The following TBC1D5 variants were observed in gnomAD, a reference collection of about 807,000 sequenced individuals.
TBC1D5 encodes TBC1 domain family, member 5.
In TBC1D5, 75 loss-of-function variants were observed where a neutral mutation model predicts 100.3. That is an observed-to-expected ratio of 0.75 (90% CI 0.62 to 0.91). The LOEUF (loss-of-function observed/expected upper bound fraction) is 0.91. TBC1D5 is among the 40% of genes least tolerant of loss of function. The pLI is 0.00. For missense variants in TBC1D5, 910 were observed against 942.4 expected (o/e 0.97, Z 0.45); for synonymous variants, 323 against 325.6 (o/e 0.99, Z 0.09).
At chr3:17,322,680 G>A (rs929584937) in intron 13 of TBC1D5, among the ~76,000 whole-genome samples, 2 of 152,192 alleles carry the variant, frequency 1.3e-5, no homozygotes, top group Non-Finnish European at 2.9e-5. Flanking sequence ...GCTATGCAGA[G>A]AATAATCTCC....
At chr3:17,187,565 C>T (rs550714135) in intron 18 of TBC1D5, among the ~76,000 whole-genome samples, 2 of 152,292 alleles carry the variant, frequency 1.3e-5, no homozygotes, top group South Asian at 4.1e-4. Flanking sequence ...ATCCACAGAT[C>T]TATGATGGGA....
chr3:17,249,467 T>G (rs1212827916), intron 16 of TBC1D5, among the ~76,000 whole-genome samples: 3 of 152,166 alleles, frequency 2.0e-5, no homozygotes, highest in African/African-American at 7.2e-5. Context: ...TGGTCTCCAG[T>G]GTTGATGGTG....
chr3:17,494,929 C>A lies in TBC1D5; in HGVS notation c.97+13545G>T, dbSNP rs527708130. Among the ~76,000 whole-genome samples, 5 of 152,330 alleles carry A rather than the reference C, an allele frequency of 3.3e-5. No homozygotes were observed. The East Asian group carries it at 9.7e-4, about 29-fold the overall frequency. On this transcript the variant is annotated intron_variant, in intron 3 of 21. Transcript: ENST00000253692. ...GGCTCATGAGGGGATACCCTGATCC[C>A]TGGGTTGCACAGATCCATGAAAAAT...
intron 13 of TBC1D5, among the ~76,000 whole-genome samples, chr3:17,358,306 T>C (rs548425244): frequency 6.6e-6 from 1 of 152,282 alleles, no homozygotes; most frequent in South Asian, 2.1e-4. Flanking sequence ...TGCCTCAGCC[T>C]CCTGAGTAGC....
chr3:17,316,149 G>A (rs2084671140), intron 13 of TBC1D5, among the ~76,000 whole-genome samples: 1 of 152,110 alleles, frequency 6.6e-6, no homozygotes, highest in Non-Finnish European at 1.5e-5. Context: ...TGCATGTTCA[G>A]TCTTTCAACA....
chr3:17,709,596 G>A (rs1321232691), intron 1 of TBC1D5, among the ~76,000 whole-genome samples: 1 of 152,120 alleles, frequency 6.6e-6, no homozygotes, highest in Non-Finnish European at 1.5e-5. Context: ...AAAGAACCTT[G>A]TCTAACGGCA....
chr3:17,278,924 GTTCT>G (rs1236203964), intron 15 of TBC1D5, among the ~76,000 whole-genome samples: 9 of 152,184 alleles, frequency 5.9e-5, no homozygotes, highest in East Asian at 1.9e-4. Flanking sequence ...ACTTTTAGGT[GTTCT>G]TTGAGAATTT....
chr3:17,189,525 C>T (rs2069598237), intron 18 of TBC1D5, among the ~76,000 whole-genome samples: 1 of 152,188 alleles, frequency 6.6e-6, no homozygotes, highest in South Asian at 2.1e-4. Flanking sequence ...CATCAAATCC[C>T]TTCATATTGA....
intron 3 of TBC1D5, among the ~76,000 whole-genome samples, chr3:17,498,320 C>T (rs2095741621): frequency 6.6e-6 from 1 of 151,996 alleles, no homozygotes; most frequent in African/African-American, 2.4e-5. Context: ...AACAAGGAAG[C>T]CCTCATTCCA....
intron 8 of TBC1D5, among the ~76,000 whole-genome samples, chr3:17,388,323 G>T (rs1429476078): frequency 1.3e-5 from 2 of 151,896 alleles, no homozygotes; most frequent in African/African-American, 4.8e-5. Flanking sequence ...AGGCAATATA[G>T]GTTTAATTAT....
At chr3:17,169,435 C>A (rs1020039190) in intron 19 of TBC1D5, among the ~76,000 whole-genome samples, 3 of 152,180 alleles carry the variant, frequency 2.0e-5, no homozygotes, top group African/African-American at 7.2e-5. Flanking sequence ...CAACATGTTT[C>A]CAGCCTGACA....
intron 15 of TBC1D5, among the ~76,000 whole-genome samples, chr3:17,261,814 C>T (rs1055055059): frequency 6.6e-6 from 1 of 151,596 alleles, no homozygotes; most frequent in African/African-American, 2.4e-5. Flanking sequence ...TGAGACACCA[C>T]GCTTGGCTAA....
At chr3:17,703,920 T>G (rs1023877289) in intron 1 of TBC1D5, among the ~76,000 whole-genome samples, 31 of 151,412 alleles carry the variant, frequency 2.0e-4, no homozygotes, top group Non-Finnish European at 4.1e-4. Context: ...TTTTGTTTTT[T>G]TTTTTTTAAT....
chr3:17,363,603 G>T (rs2091893781), intron 13 of TBC1D5, among the ~76,000 whole-genome samples: 1 of 150,238 alleles, frequency 6.7e-6, no homozygotes, highest in Non-Finnish European at 1.5e-5. Flanking sequence ...AGAGACAAGG[G>T]TCTCACTACC....
At chr3:17,301,103 A>C (rs1199795169) in intron 14 of TBC1D5, among the ~76,000 whole-genome samples, 1 of 151,948 alleles carries the variant, frequency 6.6e-6, no homozygotes, top group East Asian at 1.9e-4. Context: ...CTATAAATAA[A>C]TTTATAGTGT....
intron 2 of TBC1D5, among the ~76,000 whole-genome samples, chr3:17,599,995 A>G (rs1320870530): frequency 6.6e-6 from 1 of 152,234 alleles, no homozygotes; most frequent in Non-Finnish European, 1.5e-5. Context: ...TGAGTGAATG[A>G]TATCAATTCT....
intron 21 of TBC1D5, among the ~76,000 whole-genome samples, chr3:17,165,859 C>T (rs1026303330): frequency 6.6e-6 from 1 of 152,078 alleles, no homozygotes; most frequent in Non-Finnish European, 1.5e-5. Context: ...GGGACTGAAG[C>T]TTACTGGGTT....
At chr3:17,612,143 T>A (rs932877056) in intron 2 of TBC1D5, among the ~76,000 whole-genome samples, 2 of 149,820 alleles carry the variant, frequency 1.3e-5, no homozygotes, top group East Asian at 4.0e-4. Flanking sequence ...CTACAAAAAA[T>A]AAAAAAATTA....
intron 2 of TBC1D5, among the ~76,000 whole-genome samples, chr3:17,575,782 A>G (rs1165183948): frequency 1.3e-5 from 2 of 152,182 alleles, no homozygotes; most frequent in African/African-American, 4.8e-5. Flanking sequence ...AATAAGACAG[A>G]GAATGAACTA....
Sources: gnomAD v4.1 joint callset for allele counts (sites outside exome capture counted in the v4.1 genomes callset) on GRCh38, gnomAD v4.1.1 for gene constraint, MANE v1.5 for transcripts, NCBI Gene and HGNC (gene_info 2026-07-23, HGNC 2026-07-21) for gene names.